PAK3: variants seen among roughly 807,000 people sequenced by gnomAD.
The protein encoded by PAK3 is serine/threonine-protein kinase PAK 3.
A neutral mutation model predicts 41.0 loss-of-function variants in PAK3; 4 were observed. The ratio of observed to expected loss-of-function variants is 0.10; its 90% CI spans 0.05 to 0.22. PAK3 has a LOEUF of 0.22. Among genes scored for constraint, PAK3 ranks in the 10% least tolerant of loss-of-function variants. PAK3 has a pLI of 1.00. For synonymous variants in PAK3, 146 were observed against 139.6 expected, an observed-to-expected ratio of 1.05 and a Z score of -0.32; for missense variants, 205 against 409.9, an observed-to-expected ratio of 0.50 and a Z score of 4.32.
intron 1 of PAK3, among the ~76,000 whole-genome samples, chrX:110,974,289 C>T (rs1025085111): frequency 1.3e-4 from 14 of 111,594 alleles, no homozygotes; most frequent in African/African-American, 3.9e-4. Context: ...ATATCACCAC[C>T]GATTCCACAG....
chrX:110,957,119 CTA>C (rs2090877086), intron 1 of PAK3, among the ~76,000 whole-genome samples: 1 of 112,257 alleles, frequency 8.9e-6, no homozygotes, highest in Admixed American at 9.4e-5. Flanking sequence ...CTTGCCTGAA[CTA>C]TATCATATTA....
intron 16 of PAK3, among the ~76,000 whole-genome samples, chrX:111,206,440 T>C (rs1193941708): frequency 8.9e-6 from 1 of 111,994 alleles, no homozygotes; most frequent in Non-Finnish European, 1.9e-5. Context: ...CACATATTGT[T>C]GGAGTTATCT....
At chrX:111,218,841 G>A (rs2094903488) in intron 17 of PAK3, among the ~76,000 whole-genome samples, 1 of 110,603 alleles carries the variant, frequency 9.0e-6, no homozygotes, top group Non-Finnish European at 1.9e-5. Context: ...GAGACCAAGG[G>A]GGAGTTATTA....
At chrX:111,082,236 T>C (rs1304754072) in intron 1 of PAK3, among the ~76,000 whole-genome samples, 1 of 111,291 alleles carries the variant, frequency 9.0e-6, no homozygotes, top group African/African-American at 3.3e-5. Flanking sequence ...AAGAACAATA[T>C]GAAAGGACTG....
At chrX:110,950,667 A>C (rs1019212517) in intron 1 of PAK3, among the ~76,000 whole-genome samples, 4 of 112,017 alleles carry the variant, frequency 3.6e-5, no homozygotes, top group Admixed American at 9.5e-5. Flanking sequence ...TCTATTATAT[A>C]ATTGTAATAT....
intron 1 of PAK3, among the ~76,000 whole-genome samples, chrX:110,945,539 A>G (rs954208456): frequency 1.3e-4 from 15 of 111,699 alleles, no homozygotes; most frequent in African/African-American, 2.0e-4. Flanking sequence ...CTCTCAGCCA[A>G]TGAGGATCCA....
intron 1 of PAK3, among the ~76,000 whole-genome samples, chrX:110,958,370 G>A (rs1279437536): frequency 4.5e-5 from 5 of 111,223 alleles, no homozygotes; most frequent in Admixed American, 9.6e-5. Context: ...CATTCTGGCC[G>A]CTATATAAAA....
At chrX:111,166,187 C>T (rs1203608254) in intron 10 of PAK3, among the ~76,000 whole-genome samples, 14 of 111,662 alleles carry the variant, frequency 1.3e-4, no homozygotes. Context: ...CCTGCTCCAC[C>T]ATTACCCTCT....
rs1021030181 is a variant in PAK3 at position 110,967,914 on chromosome X, C to T, written c.-28+23286C>T. 1.7e-4 allele frequency among the ~76,000 whole-genome samples: 19 copies of T among 111,908 alleles called. No homozygotes were observed. In the Admixed American group the frequency reaches 1.7e-3, roughly 10 times the overall value. ...GTGTGGGTTTGTGTGTCCAACAACA[C>T]AGTCAAGATACAGAACTGTTCTACC... On this transcript the variant is annotated intron_variant, in intron 1 of 14. Coordinates refer to the PAK3 transcript ENST00000425146.
chrX:110,988,906 A>G (rs2091594808), intron 1 of PAK3, among the ~76,000 whole-genome samples: 1 of 112,354 alleles, frequency 8.9e-6, no homozygotes, highest in African/African-American at 3.2e-5. Flanking sequence ...AAGGCTTTGT[A>G]TAAGTGTGCC....
intron 1 of PAK3, among the ~76,000 whole-genome samples, chrX:111,007,016 G>C (rs1321435767): frequency 9.2e-6 from 1 of 108,675 alleles, no homozygotes; most frequent in Non-Finnish European, 1.9e-5. Context: ...GCCCCCCTGA[G>C]ATTCTGCATT....
intron 4 of PAK3, among the ~76,000 whole-genome samples, chrX:111,110,135 G>A (rs1189241602): frequency 8.9e-6 from 1 of 112,370 alleles, no homozygotes; most frequent in East Asian, 2.8e-4. Context: ...GAATGATAGC[G>A]ATTTTGTTTA....
chrX:111,160,962 A>G (rs1401651521), intron 8 of PAK3, among the ~76,000 whole-genome samples: 5 of 111,666 alleles, frequency 4.5e-5, no homozygotes, highest in East Asian at 5.7e-4. Context: ...ATGATTTATA[A>G]TCCTTTGGGT....
intron 8 of PAK3, among the ~76,000 whole-genome samples, chrX:111,157,276 A>G (rs1005856422): frequency 9.0e-6 from 1 of 111,549 alleles, no homozygotes; most frequent in Admixed American, 9.5e-5. Context: ...CCTTACTTCT[A>G]AGTTCTTTGA....
intron 1 of PAK3, among the ~76,000 whole-genome samples, chrX:111,077,790 A>G (rs980403688): frequency 5.4e-5 from 6 of 111,933 alleles, no homozygotes; most frequent in Non-Finnish European, 9.4e-5. Flanking sequence ...ACAGACAACT[A>G]AAGCGAAATT....
At chrX:111,080,468 T>C (rs528838250) in intron 1 of PAK3, among the ~76,000 whole-genome samples, 1 of 112,672 alleles carries the variant, frequency 8.9e-6, no homozygotes, top group South Asian at 3.7e-4. Context: ...TTAGACATAA[T>C]ACTATTGCAT....
intron 1 of PAK3, among the ~76,000 whole-genome samples, chrX:111,058,540 A>G (rs1470742194): frequency 9.0e-6 from 1 of 111,241 alleles, no homozygotes; most frequent in Non-Finnish European, 1.9e-5. Flanking sequence ...TTTCTTATGG[A>G]GTTGTAAGTG....
In PAK3 at chrX:111,062,423, C is replaced by A. The variant is rs139275624; in HGVS notation, c.-27-60654C>A. On this transcript the variant is annotated intron_variant, in intron 1 of 14. Coordinates refer to the PAK3 transcript ENST00000425146. ...TGTGTGGTACGTACAAACTTGAGAC[C>A]AAATACCACATTTATTAGAAAATAA... 7.7e-3 allele frequency among the ~76,000 whole-genome samples: 862 copies of A among 112,043 alleles called. 9 individuals carry two copies. The highest frequency in any genetic ancestry group is 0.026 in the African/African-American group (804 of 30,829).
intron 1 of PAK3, among the ~76,000 whole-genome samples, chrX:110,986,753 A>ACG (rs201481685): frequency 0.023 from 2,083 of 90,448 alleles, 21 homozygotes; most frequent in Non-Finnish European, 0.036. Context: ...CACCAAGTGT[A>ACG]CGCGTGTGTG....
Sources: gnomAD v4.1 joint callset for allele counts (sites outside exome capture counted in the v4.1 genomes callset) on GRCh38, gnomAD v4.1.1 for gene constraint, MANE v1.5 for transcripts, NCBI Gene and HGNC (gene_info 2026-07-23, HGNC 2026-07-21) for gene names.